IFIH1: variants seen among roughly 807,000 people sequenced by gnomAD.
The protein encoded by IFIH1 is interferon induced with helicase C domain 1, also known as interferon-induced helicase C domain-containing protein 1.
In IFIH1, 125 loss-of-function variants were observed where a neutral mutation model predicts 107.4. The observed-to-expected ratio is 1.16, with a 90% CI of 1.01 to 1.35. IFIH1 has a LOEUF of 1.35. Among genes scored for constraint, IFIH1 ranks in the 40% most tolerant of loss-of-function variants. IFIH1 has a pLI of 0.00. For missense variants in IFIH1, 1,333 were observed against 1,213.7 expected (o/e 1.10, Z -1.46); for synonymous variants, 458 against 413.2 (o/e 1.11, Z -1.31).
In IFIH1 at chr2:162,293,527, C is replaced by A. The variant is rs373985276; in HGVS notation, c.874+37G>T. ...GCTTCCACTATATGGCGTCTTATTT[C>A]ACACTTTTTAAGGTTTACACAACAG... On this transcript the variant is annotated intron_variant, in intron 4 of 15. Transcript: ENST00000649979. 19 of 1,358,470 alleles carry A rather than the reference C, an allele frequency of 1.4e-5. No homozygotes were observed. In the African/African-American group the frequency reaches 2.3e-4, roughly 17 times the overall value. The allele number at this position is 1,358,470 out of a possible 1,614,324, so 84.2% of individuals were successfully genotyped here. A position where few individuals can be genotyped will look rare whatever the true frequency, so the allele number is the denominator to read the frequency against.
At chr2:162,268,762 A>G (rs7578576) in intron 13 of IFIH1, among the ~76,000 whole-genome samples, 17,273 of 151,880 alleles carry the variant, frequency 0.11, 3,346 homozygotes, top group African/African-American at 0.4. Context: ...GCTAATTTTC[A>G]TATTTTTAGT....
chr2:162,288,018 G>T, intron 5 of IFIH1, 117 bp downstream of exon 5: 1 of 648,962 alleles, frequency 1.5e-6, no homozygotes, highest in Non-Finnish European at 2.7e-6. Context: ...AGCTTATTTT[G>T]ACATTACTCT....
intron 3 of IFIH1, among the ~76,000 whole-genome samples, chr2:162,303,681 T>G (rs770636087): frequency 1.3e-5 from 2 of 152,042 alleles, no homozygotes; most frequent in Non-Finnish European, 2.9e-5. Flanking sequence ...AATAAAAAGC[T>G]TTTCTGTCCC....
chr2:162,277,978 A>T lies in IFIH1; in HGVS notation c.1765+227T>A, dbSNP rs888284. On this transcript the variant is annotated intron_variant, in intron 9 of 15. Coordinates refer to ENST00000649979, the MANE Select transcript of IFIH1 (RefSeq NM_022168.4). Reference sequence around the variant, plus strand: ...TTGCCTTTGGAGACAGAGCTATTAAAGTTTATCTCAAGACTCTGGAGACAA... The same window carrying T: ...TTGCCTTTGGAGACAGAGCTATTAATGTTTATCTCAAGACTCTGGAGACAA... 0.094 allele frequency among the ~76,000 whole-genome samples: 14,269 copies of T among 152,174 alleles called. 2,279 individuals are homozygous for T. Among genetic ancestry groups the T allele is most frequent in the African/African-American group, 0.33 (13,512 of 41,468 alleles).
At chr2:162,317,273 T>A (rs1312609571) in intron 1 of IFIH1, among the ~76,000 whole-genome samples, 1 of 152,044 alleles carries the variant, frequency 6.6e-6, no homozygotes, top group East Asian at 1.9e-4. Flanking sequence ...CACTGAAAAT[T>A]AAAAATTGAA....
chr2:162,278,023 T>C (rs915179005), intron 9 of IFIH1, among the ~76,000 whole-genome samples, 182 bp downstream of exon 9: 1 of 152,206 alleles, frequency 6.6e-6, no homozygotes, highest in African/African-American at 2.4e-5. Flanking sequence ...TGGATAGCAT[T>C]GGAATCTCTC....
intron 4 of IFIH1, among the ~76,000 whole-genome samples, chr2:162,289,782 T>C (rs886777268): frequency 6.6e-6 from 1 of 151,970 alleles, no homozygotes; most frequent in African/African-American, 2.4e-5. Flanking sequence ...TAAGCTATCG[T>C]TGGATCATCT....
At chr2:162,290,084 C>T (rs1038233801) in intron 4 of IFIH1, among the ~76,000 whole-genome samples, 1 of 151,780 alleles carries the variant, frequency 6.6e-6, no homozygotes, top group Non-Finnish European at 1.5e-5. Flanking sequence ...AGTGTCTAAA[C>T]AAAGACCCAG....
intron 12 of IFIH1, among the ~76,000 whole-genome samples, chr2:162,272,657 C>A (rs1691067258): frequency 6.6e-6 from 1 of 152,114 alleles, no homozygotes; most frequent in Non-Finnish European, 1.5e-5. Context: ...CCTGTCCAGG[C>A]TTTTTGCTCT....
chr2:162,313,942 T>C (rs1576240506), intron 1 of IFIH1, among the ~76,000 whole-genome samples: 1 of 152,324 alleles, frequency 6.6e-6, no homozygotes, highest in East Asian at 1.9e-4. Context: ...TTAGGTGGAC[T>C]AGTCATGGCA....
intron 3 of IFIH1, among the ~76,000 whole-genome samples, chr2:162,300,729 C>T (rs185758140): frequency 2.6e-5 from 4 of 152,252 alleles, no homozygotes; most frequent in East Asian, 3.9e-4. Context: ...CAAACCAGTC[C>T]TGATATAGCA....
chr2:162,294,641 G>A (rs909635559), intron 3 of IFIH1, among the ~76,000 whole-genome samples: 2 of 151,862 alleles, frequency 1.3e-5, no homozygotes, highest in African/African-American at 4.8e-5. Context: ...GGTACAACAA[G>A]CTCTTGGCAC....
chr2:162,268,876 A>G (rs1690979069), intron 13 of IFIH1, among the ~76,000 whole-genome samples: 1 of 152,122 alleles, frequency 6.6e-6, no homozygotes, highest in African/African-American at 2.4e-5. Context: ...GGTGTGAGCC[A>G]CTGCGCCAGC....
chr2:162,280,967 T>G (rs1191727228), intron 7 of IFIH1, among the ~76,000 whole-genome samples: 1 of 151,942 alleles, frequency 6.6e-6, no homozygotes, highest in Non-Finnish European at 1.5e-5. Flanking sequence ...ACTCATGGAG[T>G]AAGACTTTAT....
chr2:162,310,791 C>A lies in IFIH1; in HGVS notation c.596G>T (p.Gly199Val), dbSNP rs753834225. The A allele has an allele frequency of 2.5e-5, 40 of 1,613,788 alleles. No individual in the cohort carries two copies. In the South Asian group the frequency reaches 4.2e-4, roughly 17 times the overall value. Residue 199 changes from glycine to valine, a missense_variant, in exon 2 of 16, where the codon GGC (glycine) becomes GTC (valine). Coordinates refer to ENST00000649979, the MANE Select transcript of IFIH1 (RefSeq NM_022168.4). Reference sequence around the variant, plus strand: ...TGCATTGCTTTCTGAGCAATCAGAGCCTGTTAACTCTTGGACAAGTTCATT... The same window carrying A: ...TGCATTGCTTTCTGAGCAATCAGAGACTGTTAACTCTTGGACAAGTTCATT... The part of the protein sequence containing the change: ...GNNELVQELT[G>V]SDCSESNAEI...
chr2:162,303,217 T>A (rs1452618660), intron 3 of IFIH1, among the ~76,000 whole-genome samples: 1 of 152,062 alleles, frequency 6.6e-6, no homozygotes, highest in African/African-American at 2.4e-5. Context: ...TGGGTTCAAG[T>A]GATTCCCCTG....
intron 3 of IFIH1, among the ~76,000 whole-genome samples, chr2:162,301,862 T>C (rs749455115): frequency 9.9e-5 from 15 of 152,210 alleles, no homozygotes; most frequent in Non-Finnish European, 4.4e-5. Context: ...AGCAGAACTA[T>C]AGCATCCAGC....
intron 5 of IFIH1, among the ~76,000 whole-genome samples, chr2:162,286,167 C>T (rs970364627): frequency 2.6e-5 from 4 of 151,876 alleles, no homozygotes; most frequent in African/African-American, 9.7e-5. Context: ...ATATGGAAAA[C>T]AGTTAAAGGA....
At chr2:162,273,706 T>C (rs780850201) in intron 12 of IFIH1, 89 bp downstream of exon 12, 8 of 967,434 alleles carry the variant, frequency 8.3e-6, no homozygotes, top group Non-Finnish European at 1.2e-5. Context: ...ACTAAAAAGA[T>C]GTTTTTGCTG....
Sources: allele counts gnomAD v4.1 joint callset (sites outside exome capture counted in the v4.1 genomes callset), GRCh38; gene constraint gnomAD v4.1.1; transcripts MANE v1.5; gene names NCBI Gene and HGNC (gene_info 2026-07-23, HGNC 2026-07-21).